The following NUSAP1 variants were observed in gnomAD, a reference collection of about 807,000 sequenced individuals.
The protein encoded by NUSAP1 is nucleolar and spindle-associated protein 1.
In NUSAP1, 32 loss-of-function variants were observed where a neutral mutation model predicts 52.8. The ratio of observed to expected loss-of-function variants is 0.61; its 90% CI spans 0.46 to 0.81. NUSAP1 has a LOEUF of 0.81. Among genes scored for constraint, NUSAP1 ranks in the 40% least tolerant of loss-of-function variants. The pLI is 0.00. For missense variants in NUSAP1, 499 were observed against 522.3 expected (o/e 0.96, Z 0.43); for synonymous variants, 195 against 183.1 (o/e 1.06, Z -0.52).
At position 41,358,218 on chromosome 15, in the gene NUSAP1, AG is replaced by A; in HGVS notation, c.621del (p.Lys208AsnfsTer9). Reference protein sequence around the residue: ...ESIDQYIERKKKHFEEHNSMN... With the variant: ...ESIDQYIERKXKHFEEHNSMN... ...ATTGATCAATATATTGAGAGAAAAA[AG>A]AAACATTTTGAAGAACACAATTCCA... On this transcript the variant is annotated frameshift_variant, in exon 6 of 11. Coordinates refer to ENST00000559596, the MANE Select transcript of NUSAP1 (RefSeq NM_016359.5). LOFTEE classifies it high-confidence loss of function. 6.4e-7 allele frequency: 1 copy of A among 1,573,084 alleles called. No homozygotes were observed. Among genetic ancestry groups the A allele is most frequent in the Non-Finnish European group, 8.7e-7 (1 of 1,147,874 alleles).
chr15:41,339,676 G>T (rs1230839695), intron 1 of NUSAP1, among the ~76,000 whole-genome samples: 1 of 152,090 alleles, frequency 6.6e-6, no homozygotes, highest in Admixed American at 6.5e-5. Flanking sequence ...CTCCCAAAGT[G>T]CTGGGATTAC....
Position 41,351,066 on chromosome 15 carries a change from G to C in NUSAP1, c.385G>C (p.Ala129Pro). ...AAAGCAGGAAAGCCAGGATCTCAGA[G>C]CTACTGCAAAAGTTCCTTCTCCACC... ...HEKQESQDLR[A>P]TAKVPSPPDE... The change falls in exon 4 of 11, where the codon GCT becomes CCT. Residue 129 changes from alanine (A) to proline (P), a missense_variant. By Grantham distance (27) the Ala-to-Pro change is conservative (BLOSUM62 -1). Transcript: ENST00000559596. The C allele has an allele frequency of 1.2e-6, 2 of 1,613,712 alleles. No individual in the cohort carries two copies. The highest frequency in any genetic ancestry group is 1.3e-5 in the African/African-American group (1 of 75,042).
chr15:41,366,775 G>A lies in NUSAP1; in HGVS notation c.848+1186G>A, dbSNP rs148655667. The stretch of plus-strand genomic sequence containing the variant: ...GGAGAATTACCATTTTTCTTTGAAG[G>A]TGACTTGTTTCCCTACATTTTCATG... On this transcript the variant is annotated intron_variant, in intron 7 of 10. Transcript: ENST00000559596. 1.1e-3 allele frequency among the ~76,000 whole-genome samples: 174 copies of A among 152,180 alleles called. 1 individual carries two copies. The highest frequency in any genetic ancestry group is 1.6e-3 in the Admixed American group (24 of 15,258).
intron 4 of NUSAP1, among the ~76,000 whole-genome samples, 187 bp from the exon 5 acceptor site, chr15:41,355,852 A>G (rs565692708): frequency 9.9e-4 from 150 of 151,306 alleles, no homozygotes; most frequent in African/African-American, 3.5e-3. Flanking sequence ...GACTTTTTGT[A>G]TTTTTAGTAG....
chr15:41,379,807 A>C (rs759302224), intron 10 of NUSAP1, among the ~76,000 whole-genome samples: 1 of 152,040 alleles, frequency 6.6e-6, no homozygotes, highest in Non-Finnish European at 1.5e-5. Flanking sequence ...TTGGCCTCCT[A>C]ACGTGCTGGG....
intron 1 of NUSAP1, among the ~76,000 whole-genome samples, chr15:41,342,127 C>T (rs907546205): frequency 3.3e-5 from 5 of 152,206 alleles, no homozygotes; most frequent in Non-Finnish European, 5.9e-5. Flanking sequence ...ATGGCCATGC[C>T]TACCTATGTT....
Position 41,371,522 on chromosome 15 carries a change from T to C in NUSAP1, c.849-5T>C, listed in dbSNP as rs2140830133. Reference sequence around the variant, plus strand: ...TCATGTCTTGTACTCTGCTGTCCTATTTAGGTTTTCAGCTGCTACTAAAGA... The same window carrying C: ...TCATGTCTTGTACTCTGCTGTCCTACTTAGGTTTTCAGCTGCTACTAAAGA... On this transcript the variant is annotated splice_region_variant and splice_polypyrimidine_tract_variant and intron_variant, in intron 7 of 10. Transcript: ENST00000559596. The C allele has an allele frequency of 1.3e-6, 2 of 1,592,060 alleles. No homozygotes were observed. The highest frequency in any genetic ancestry group is 2.2e-5 in the East Asian group (1 of 44,732).
chr15:41,358,295 CTG>C (rs746904198), intron 6 of NUSAP1, 37 bp downstream of exon 6: 1 of 965,096 alleles, frequency 1.0e-6, no homozygotes, highest in East Asian at 2.4e-5. Flanking sequence ...TGGAACTAAA[CTG>C]TTTGATTATA....
chr15:41,356,835 G>A (rs924462162), intron 5 of NUSAP1, among the ~76,000 whole-genome samples: 2 of 152,026 alleles, frequency 1.3e-5, no homozygotes, highest in Admixed American at 6.6e-5. Context: ...AAATGATTCC[G>A]TTTTTGGGCA....
intron 2 of NUSAP1, among the ~76,000 whole-genome samples, chr15:41,344,942 G>GA (rs1402351130): frequency 6.7e-6 from 1 of 150,120 alleles, no homozygotes; most frequent in African/African-American, 2.5e-5. Flanking sequence ...CTCCGTCTCC[G>GA]AAAAAAAGAA....
At chr15:41,369,698 T>G (rs1336950330) in intron 7 of NUSAP1, among the ~76,000 whole-genome samples, 1 of 151,862 alleles carries the variant, frequency 6.6e-6, no homozygotes, top group Admixed American at 6.6e-5. Context: ...TTCACTGAAA[T>G]GTACAGGTGG....
rs141949097 is a variant in NUSAP1, at chr15:41,365,299, G to A, written c.661-103G>A. 7,226 of 921,088 alleles carry A rather than the reference G, an allele frequency of 7.8e-3. 349 individuals carry two copies. In the African/African-American group the frequency reaches 0.11, roughly 14 times the overall value. The allele number at this position is 921,088 out of a possible 1,614,324, so 57.1% of individuals were successfully genotyped here. ...AGCCTCCTGAGTAGCTGGGACTATA[G>A]GCACATGCCACAACGCCCGGCTAAT... On this transcript the variant is annotated intron_variant, in intron 6 of 10. Coordinates refer to ENST00000559596, the MANE Select transcript of NUSAP1 (RefSeq NM_016359.5).
At chr15:41,336,790 G>T (rs1307431203) in intron 1 of NUSAP1, among the ~76,000 whole-genome samples, 5 of 150,644 alleles carry the variant, frequency 3.3e-5, no homozygotes, top group East Asian at 3.9e-4. Context: ...GGGATTACAG[G>T]CACGTGCCAC....
intron 7 of NUSAP1, among the ~76,000 whole-genome samples, chr15:41,369,943 C>A (rs1276840851): frequency 6.6e-6 from 1 of 151,600 alleles, no homozygotes; most frequent in African/African-American, 2.4e-5. Context: ...TGGCAGTCGC[C>A]TGTAATTCCA....
intron 8 of NUSAP1, among the ~76,000 whole-genome samples, chr15:41,373,996 T>C (rs2049820213): frequency 6.6e-6 from 1 of 152,172 alleles, no homozygotes; most frequent in African/African-American, 2.4e-5. Context: ...GAGACCATCC[T>C]GGCTAACACA....
intron 10 of NUSAP1, 121 bp downstream of exon 10, chr15:41,377,425 T>A: frequency 1.9e-6 from 1 of 528,810 alleles, no homozygotes; most frequent in Non-Finnish European, 3.3e-6. Flanking sequence ...TATGGCCGTG[T>A]GCGGTGGCTC....
Position 41,351,135 on chromosome 15 carries a change from C to T in NUSAP1, c.448+6C>T, listed in dbSNP as rs999907013. 3 of 1,603,800 alleles carry T rather than the reference C, an allele frequency of 1.9e-6. No homozygotes were observed. The highest frequency in any genetic ancestry group is 2.5e-6 in the Non-Finnish European group (3 of 1,177,406). On this transcript the variant is annotated splice_donor_region_variant and intron_variant, in intron 4 of 10. Transcript: ENST00000559596. Reference sequence around the variant, plus strand: ...TGAGAATGCTGTTTCCTCAGGTAAACGTGGAATAAATGGTATGTCAAGTAA... The same window carrying T: ...TGAGAATGCTGTTTCCTCAGGTAAATGTGGAATAAATGGTATGTCAAGTAA...
chr15:41,365,728 T>G, intron 7 of NUSAP1, 139 bp downstream of exon 7: 1 of 589,230 alleles, frequency 1.7e-6, no homozygotes, highest in Non-Finnish European at 2.6e-6. Flanking sequence ...CTTTTTCTTT[T>G]TTTTTTTTTT....
At chr15:41,361,570 A>G (rs1457471767) in intron 6 of NUSAP1, among the ~76,000 whole-genome samples, 1 of 152,124 alleles carries the variant, frequency 6.6e-6, no homozygotes, top group Non-Finnish European at 1.5e-5. Flanking sequence ...AAAAAAAAAG[A>G]GTCAAGCTGC....
Sources: gnomAD v4.1 joint callset for allele counts (sites outside exome capture counted in the v4.1 genomes callset) on GRCh38, gnomAD v4.1.1 for gene constraint, MANE v1.5 for transcripts, NCBI Gene and HGNC (gene_info 2026-07-23, HGNC 2026-07-21) for gene names.